VPS33A: variants seen among roughly 807,000 people sequenced by gnomAD.
VPS33A encodes the protein vacuolar protein sorting-associated protein 33A.
VPS33A carries 32 observed loss-of-function variants against 71.8 expected under a neutral mutation model. That is an observed-to-expected ratio of 0.45 (90% CI 0.34 to 0.60). The LOEUF (loss-of-function observed/expected upper bound fraction) is 0.60, where lower values mean the gene tolerates loss of function less well. VPS33A is among the 20% of genes least tolerant of loss of function. The pLI is 0.02. For missense variants in VPS33A, 625 were observed against 748.5 expected (o/e 0.84, Z 1.92); for synonymous variants, 311 against 292.7 (o/e 1.06, Z -0.64).
chr12:122,234,658 C>T (rs1451466970), intron 11 of VPS33A, among the ~76,000 whole-genome samples: 6 of 152,178 alleles, frequency 3.9e-5, no homozygotes, highest in Middle Eastern at 3.2e-3. Context: ...CACCCTTCTC[C>T]GCAATGCTCT....
intron 1 of VPS33A, chr12:122,265,519 T>C (rs953076694): frequency 2.1e-5 from 5 of 235,326 alleles, no homozygotes; most frequent in Non-Finnish European, 4.7e-5. Flanking sequence ...ACCAGGATAC[T>C]GACATTGATA....
intron 1 of VPS33A, among the ~76,000 whole-genome samples, chr12:122,264,504 C>T (rs1196625736): frequency 2.0e-5 from 3 of 152,118 alleles, no homozygotes; most frequent in South Asian, 4.1e-4. Context: ...GATTCTCCTG[C>T]CTCAGCTTCC....
rs1955070567 is a variant in VPS33A at position 122,266,311 on chromosome 12, C to T, written c.98G>A (p.Ser33Asn). The T allele has an allele frequency of 1.2e-6, 2 of 1,611,626 alleles. No homozygotes were observed. The highest frequency in any genetic ancestry group is 4.5e-5 in the East Asian group (2 of 44,868). Residue 33 changes from serine (S) to asparagine (N), a missense_variant, in exon 1 of 13, where the codon AGC becomes AAC. By Grantham distance (46) the Ser-to-Asn change is conservative (BLOSUM62 1). Transcript: ENST00000267199. ...LREFLDKCAG[S>N]KAIVWDEYLT... ...TCGCTGCCTCCCGCCCCTCACCTTG[C>T]TTCCTGCGCACTTGTCCAGGAACTC...
At chr12:122,257,284 G>A (rs1216554003) in intron 4 of VPS33A, among the ~76,000 whole-genome samples, 8 of 151,856 alleles carry the variant, frequency 5.3e-5, no homozygotes, top group Admixed American at 2.6e-4. Flanking sequence ...AAAATTAGGC[G>A]GGCGTGGTGG....
rs530190256 is a variant in VPS33A at position 122,254,750 on chromosome 12, T to C, written c.484-3651A>G. The stretch of plus-strand genomic sequence containing the variant: ...ATATACAAAGCCAAAGGCTTGAAAT[T>C]GTCAGTAGAAAATAGTTCTGGCCAG... On this transcript the variant is annotated intron_variant, in intron 4 of 12. Coordinates refer to ENST00000267199, the MANE Select transcript of VPS33A (RefSeq NM_022916.6). 7.2e-5 allele frequency among the ~76,000 whole-genome samples: 11 copies of C among 152,100 alleles called. No homozygotes were observed. In the East Asian group the frequency reaches 2.1e-3, roughly 29 times the overall value.
chr12:122,235,720 A>G, intron 11 of VPS33A, 66 bp downstream of exon 11: 1 of 1,515,736 alleles, frequency 6.6e-7, no homozygotes, highest in East Asian at 2.4e-5. Context: ...GTTCAGAAGC[A>G]TGTGTTGTCA....
chr12:122,238,730 AATAAAGTAGCATAC>A lies in VPS33A; in HGVS notation c.1165-20_1165-7del. ...TCCTCAATGTAATTGTTGACCTGGA[AATAAAGTAGCATAC>A]ATATACATATACATTTACATATACA... On this transcript the variant is annotated splice_polypyrimidine_tract_variant and splice_region_variant and intron_variant, in intron 9 of 12. Transcript: ENST00000267199. 1 of 1,610,390 alleles carries A rather than the reference AATAAAGTAGCATAC, an allele frequency of 6.2e-7. No individual in the cohort carries two copies. Among genetic ancestry groups the A allele is most frequent in the Non-Finnish European group, 8.5e-7 (1 of 1,178,238 alleles).
chr12:122,261,459 G>A lies in VPS33A; in HGVS notation c.297-12C>T. 1.9e-6 allele frequency: 3 copies of A among 1,612,228 alleles called. No individual in the cohort carries two copies. Among genetic ancestry groups the A allele is most frequent in the Non-Finnish European group, 2.5e-6 (3 of 1,179,556 alleles). On this transcript the variant is annotated splice_polypyrimidine_tract_variant and intron_variant, in intron 3 of 12. Coordinates refer to ENST00000267199, the MANE Select transcript of VPS33A (RefSeq NM_022916.6). ...CTCGTCTATCTTCACTGCAAAGGAA[G>A]CAACATTTGTTAGCTTATGAGCTCC...
chr12:122,251,230 T>C, intron 4 of VPS33A, 131 bp from the exon 5 acceptor site: 2 of 661,504 alleles, frequency 3.0e-6, no homozygotes, highest in East Asian at 5.4e-5. Context: ...CCAGGAAAAT[T>C]GGGGACTCAA....
At chr12:122,250,157 G>A in intron 5 of VPS33A, 112 bp from the exon 6 acceptor site, 1 of 1,154,446 alleles carries the variant, frequency 8.7e-7, no homozygotes, top group Non-Finnish European at 1.2e-6. Flanking sequence ...AAAACTGGAA[G>A]AGTGCATTGC....
chr12:122,264,260 A>T, intron 1 of VPS33A, 61 bp from the exon 2 acceptor site: 1 of 1,307,820 alleles, frequency 7.6e-7, no homozygotes, highest in Non-Finnish European at 1.0e-6. Context: ...AACAATACCA[A>T]TAAAAAATAG....
At chr12:122,237,961 T>A (rs1292300480) in intron 10 of VPS33A, among the ~76,000 whole-genome samples, 1 of 151,866 alleles carries the variant, frequency 6.6e-6, no homozygotes. Context: ...TTTTTGTATT[T>A]TTTTTGTAGA....
chr12:122,251,531 T>A (rs917969791), intron 4 of VPS33A, among the ~76,000 whole-genome samples: 10 of 152,196 alleles, frequency 6.6e-5, no homozygotes, highest in African/African-American at 2.2e-4. Context: ...ACGAATACTT[T>A]ATTGTTTTCA....
chr12:122,259,343 C>T (rs1161118987), intron 4 of VPS33A, among the ~76,000 whole-genome samples: 6 of 152,038 alleles, frequency 3.9e-5, no homozygotes, highest in Admixed American at 3.9e-4. Context: ...CCTCAGCCTC[C>T]CAAGTAGCTG....
intron 10 of VPS33A, among the ~76,000 whole-genome samples, chr12:122,236,300 TA>T (rs975653307): frequency 2.4e-4 from 36 of 149,992 alleles, no homozygotes; most frequent in Non-Finnish European, 3.3e-4. Flanking sequence ...CAGAATATAT[TA>T]AAAAAAAAAT....
intron 4 of VPS33A, among the ~76,000 whole-genome samples, chr12:122,260,930 G>A (rs577384765): frequency 2.4e-4 from 36 of 152,304 alleles, no homozygotes; most frequent in African/African-American, 8.2e-4. Flanking sequence ...AGCTGAGATC[G>A]CGCCACTGCG....
chr12:122,252,307 C>T (rs1055097736), intron 4 of VPS33A, among the ~76,000 whole-genome samples: 13 of 151,282 alleles, frequency 8.6e-5, no homozygotes, highest in South Asian at 2.1e-4. Context: ...CTCGCTCTGT[C>T]GCCCTGGCTG....
intron 9 of VPS33A, 87 bp from the exon 10 acceptor site, chr12:122,238,811 C>T: frequency 9.3e-7 from 1 of 1,072,730 alleles, no homozygotes; most frequent in African/African-American, 2.4e-5. Flanking sequence ...ACACACAATA[C>T]ATGGTTTAGG....
At chr12:122,238,458 G>C (rs1028128987) in intron 10 of VPS33A, 129 bp downstream of exon 10, 10 of 1,150,692 alleles carry the variant, frequency 8.7e-6, no homozygotes, top group Non-Finnish European at 1.2e-5. Flanking sequence ...CTAACCTCAA[G>C]TGATCCACCT....
Sources: allele counts gnomAD v4.1 joint callset (sites outside exome capture counted in the v4.1 genomes callset), GRCh38; gene constraint gnomAD v4.1.1; transcripts MANE v1.5; gene names NCBI Gene and HGNC (gene_info 2026-07-23, HGNC 2026-07-21).